The following OPCML variants were observed in gnomAD, a reference collection of about 807,000 sequenced individuals.
OPCML encodes opioid binding protein/cell adhesion molecule like, also known as opioid-binding protein/cell adhesion molecule.
A neutral mutation model predicts 37.8 loss-of-function variants in OPCML; 13 were observed. The ratio of observed to expected loss-of-function variants is 0.34; its 90% CI spans 0.22 to 0.55. The LOEUF (loss-of-function observed/expected upper bound fraction) is 0.55. Ranked by LOEUF, OPCML falls within the 20% of genes least tolerant of loss-of-function variation. OPCML has a pLI of 0.91. For missense variants in OPCML, 341 were observed against 435.6 expected, an observed-to-expected ratio of 0.78 and a Z score of 1.93; for synonymous variants, 176 against 168.8, an observed-to-expected ratio of 1.04 and a Z score of -0.33.
chr11:133,262,029 C>T (rs1023220651), intron 1 of OPCML, among the ~76,000 whole-genome samples: 7 of 152,186 alleles, frequency 4.6e-5, no homozygotes, highest in African/African-American at 1.7e-4. Context: ...AGGGACTTTA[C>T]TACTCTTGGC....
At chr11:132,594,851 GCTAAGTCCACA>G (rs2096490034) in intron 3 of OPCML, among the ~76,000 whole-genome samples, 1 of 152,170 alleles carries the variant, frequency 6.6e-6, no homozygotes, top group African/African-American at 2.4e-5. Context: ...ATACATAAAA[GCTAAGTCCACA>G]CTACTAGTTA....
intron 1 of OPCML, among the ~76,000 whole-genome samples, chr11:132,993,178 G>T (rs894934753): frequency 6.6e-6 from 1 of 152,118 alleles, no homozygotes; most frequent in Admixed American, 6.5e-5. Context: ...TCCAGGACGT[G>T]CATGTCTATG....
chr11:132,963,645 A>G (rs1447246050), intron 1 of OPCML, among the ~76,000 whole-genome samples: 1 of 151,186 alleles, frequency 6.6e-6, no homozygotes, highest in Admixed American at 6.6e-5. Context: ...TCCTGCTTCC[A>G]CTTCCTTCAC....
At chr11:133,502,993 G>T (rs778135484) in intron 1 of OPCML, among the ~76,000 whole-genome samples, 5 of 152,148 alleles carry the variant, frequency 3.3e-5, no homozygotes, top group Non-Finnish European at 5.9e-5. Context: ...GCACAGCCTA[G>T]CCTGAACTAA....
intron 2 of OPCML, among the ~76,000 whole-genome samples, chr11:132,810,057 G>T (rs1939250110): frequency 6.6e-6 from 1 of 151,944 alleles, no homozygotes; most frequent in Non-Finnish European, 1.5e-5. Flanking sequence ...CACCATGTTG[G>T]CCAGGATGGA....
chr11:133,489,869 C>T (rs922547964), intron 1 of OPCML, among the ~76,000 whole-genome samples: 1 of 150,474 alleles, frequency 6.6e-6, no homozygotes, highest in Non-Finnish European at 1.5e-5. Flanking sequence ...TATACATGCA[C>T]ACACATATAC....
chr11:133,375,818 G>T (rs4643088), intron 1 of OPCML, among the ~76,000 whole-genome samples: 49,583 of 152,086 alleles, frequency 0.33, 9,884 homozygotes, highest in African/African-American at 0.57. Context: ...ATGACTAGCA[G>T]GGTGGGCACA....
intron 1 of OPCML, among the ~76,000 whole-genome samples, chr11:133,029,780 A>G (rs563284873): frequency 6.6e-6 from 1 of 152,304 alleles, no homozygotes; most frequent in South Asian, 2.1e-4. Context: ...CTCAGGTGAC[A>G]GGATCACTAA....
Position 133,285,408 on chromosome 11 carries a change from C to T in OPCML, c.61+246856G>A, listed in dbSNP as rs141957503. On this transcript the variant is annotated intron_variant, in intron 1 of 7. Coordinates refer to ENST00000524381, the MANE Select transcript of OPCML (RefSeq NM_001012393.5). ...TTGGAGGATAAATTTGAATGGGAGC[C>T]GGACTGGAGGACAATCTTAGGAGAC... Among the ~76,000 whole-genome samples the T allele has an allele frequency of 1.1e-4, 16 of 152,268 alleles. No individual in the cohort carries two copies. The East Asian group carries it at 2.7e-3, about 26-fold the overall frequency.
chr11:132,470,532 C>A (rs1446163299), intron 4 of OPCML, among the ~76,000 whole-genome samples: 1 of 152,154 alleles, frequency 6.6e-6, no homozygotes, highest in Admixed American at 6.5e-5. Context: ...GCCCAGTAGA[C>A]AGATTTGACA....
chr11:132,460,411 A>G (rs914157357), intron 4 of OPCML, among the ~76,000 whole-genome samples: 3 of 152,300 alleles, frequency 2.0e-5, no homozygotes, highest in African/African-American at 7.2e-5. Flanking sequence ...TCACAGCAAT[A>G]AGAGTTTCAA....
chr11:132,599,207 A>G (rs955444209), intron 3 of OPCML, among the ~76,000 whole-genome samples: 14 of 151,996 alleles, frequency 9.2e-5, no homozygotes, highest in African/African-American at 3.1e-4. Context: ...AATCGCTTGA[A>G]CCCGGGAGGT....
In OPCML at chr11:132,942,631, C is replaced by T. The variant is rs572555281; in HGVS notation, c.146+295G>A. ...CAAACCCATGCACTCATGTTCTCAT[C>T]ACGGTGCCCAAGCAGGAGAGAATCT... On this transcript the variant is annotated intron_variant, in intron 2 of 7. Coordinates refer to ENST00000524381, the MANE Select transcript of OPCML (RefSeq NM_001012393.5). Among the ~76,000 whole-genome samples the T allele has an allele frequency of 2.0e-5, 3 of 152,300 alleles. No homozygotes were observed. The South Asian group carries it at 6.2e-4, about 32-fold the overall frequency.
At chr11:133,057,838 T>C (rs1260123409) in intron 1 of OPCML, among the ~76,000 whole-genome samples, 1 of 152,160 alleles carries the variant, frequency 6.6e-6, no homozygotes, top group African/African-American at 2.4e-5. Flanking sequence ...CAGACAAAAA[T>C]GTGTGAACTC....
intron 1 of OPCML, among the ~76,000 whole-genome samples, chr11:133,328,360 G>T (rs1943530666): frequency 6.6e-6 from 1 of 152,090 alleles, no homozygotes; most frequent in Non-Finnish European, 1.5e-5. Context: ...GTTTTGCCAT[G>T]TTGGCCAGCG....
chr11:133,295,049 C>T (rs1298879866), intron 1 of OPCML, among the ~76,000 whole-genome samples: 1 of 151,912 alleles, frequency 6.6e-6, no homozygotes, highest in Non-Finnish European at 1.5e-5. Flanking sequence ...GTCTTGAACT[C>T]CTGACCTCAG....
rs115108003 is a variant in OPCML at position 132,649,896 on chromosome 11, C to T, written c.379+7191G>A. 5.9e-4 allele frequency among the ~76,000 whole-genome samples: 89 copies of T among 152,056 alleles called. 1 individual carries two copies. The highest frequency in any genetic ancestry group is 2.1e-3 in the African/African-American group (86 of 41,404). ...CAGAGGTACCACGTACACACTCACACTCACGAATGCCCTCACACATACACG... is the reference window on the plus strand; with the variant it reads ...CAGAGGTACCACGTACACACTCACATTCACGAATGCCCTCACACATACACG... On this transcript the variant is annotated intron_variant, in intron 3 of 7. Coordinates refer to ENST00000524381, the MANE Select transcript of OPCML (RefSeq NM_001012393.5).
chr11:132,766,757 T>A (rs1946459503), intron 2 of OPCML, among the ~76,000 whole-genome samples: 1 of 151,162 alleles, frequency 6.6e-6, no homozygotes, highest in African/African-American at 2.4e-5. Context: ...TAAAAAAAAA[T>A]GACAACCAGA....
chr11:133,404,234 G>A lies in OPCML; in HGVS notation c.61+128030C>T, dbSNP rs55677528. ...TTTCCCTCTTCATGTAAGAAAACTG[G>A]CCACTGGATAAGGGTCCTCCCTAAT... On this transcript the variant is annotated intron_variant, in intron 1 of 7. Transcript: ENST00000524381. Among the ~76,000 whole-genome samples the A allele has an allele frequency of 6.5e-3, 993 of 152,292 alleles. 5 individuals carry two copies. The highest frequency in any genetic ancestry group is 0.012 in the Non-Finnish European group (784 of 68,022).
Sources: gnomAD v4.1 joint callset for allele counts (sites outside exome capture counted in the v4.1 genomes callset) on GRCh38, gnomAD v4.1.1 for gene constraint, MANE v1.5 for transcripts, NCBI Gene and HGNC (gene_info 2026-07-23, HGNC 2026-07-21) for gene names.